The following ARHGAP15 variants were observed in gnomAD, a reference collection of about 807,000 sequenced individuals.
ARHGAP15 encodes the protein rho GTPase-activating protein 15.
A neutral mutation model predicts 63.7 loss-of-function variants in ARHGAP15; 51 were observed. The observed-to-expected ratio is 0.80, with a 90% CI of 0.64 to 1.01. ARHGAP15 has a LOEUF of 1.01. Among genes scored for constraint, ARHGAP15 ranks in the 50% least tolerant of loss-of-function variants. The probability of loss-of-function intolerance (pLI) is 0.00; values close to 1 mark genes in which losing one functional copy is unlikely to be tolerated. For missense variants in ARHGAP15, 560 were observed against 564.6 expected (o/e 0.99, Z 0.08); for synonymous variants, 191 against 193.8 (o/e 0.99, Z 0.12).
intron 6 of ARHGAP15, among the ~76,000 whole-genome samples, chr2:143,417,215 T>C (rs1231173666): frequency 6.6e-6 from 1 of 152,118 alleles, no homozygotes; most frequent in Non-Finnish European, 1.5e-5. Context: ...CAGCCTACAA[T>C]AATATGCTCA....
rs531112859 is a variant in ARHGAP15, at chr2:143,357,047, T to C, written c.475-78554T>C. ...TCAACCGGTCAGCATTAAAGATTTA[T>C]GTTGCACTTTTTTTCATCACCACAC... On this transcript the variant is annotated intron_variant, in intron 6 of 13. Transcript: ENST00000295095. 3.1e-3 allele frequency among the ~76,000 whole-genome samples: 479 copies of C among 152,364 alleles called. 1 individual carries two copies. The highest frequency in any genetic ancestry group is 0.01 in the African/African-American group (433 of 41,596).
chr2:143,689,718 A>G (rs1238510496), intron 12 of ARHGAP15, among the ~76,000 whole-genome samples: 2 of 152,186 alleles, frequency 1.3e-5, no homozygotes, highest in African/African-American at 2.4e-5. Flanking sequence ...ACTCTAAAAG[A>G]TAAAGTGCAT....
At chr2:143,339,026 G>C (rs1013178185) in intron 6 of ARHGAP15, among the ~76,000 whole-genome samples, 4 of 151,996 alleles carry the variant, frequency 2.6e-5, no homozygotes, top group African/African-American at 7.3e-5. Context: ...TGTGTTCTTT[G>C]TTGGGGATAG....
intron 6 of ARHGAP15, among the ~76,000 whole-genome samples, chr2:143,390,912 A>G (rs925578569): frequency 2.6e-5 from 4 of 152,174 alleles, no homozygotes; most frequent in African/African-American, 4.8e-5. Context: ...TTAAAGCCGT[A>G]TTGATTGTTG....
In ARHGAP15 at chr2:143,228,615, A is replaced by G; in HGVS notation, c.331A>G (p.Ser111Gly). The G allele has an allele frequency of 3.1e-6, 5 of 1,609,594 alleles. No individual in the cohort carries two copies. The highest frequency in any genetic ancestry group is 4.2e-6 in the Non-Finnish European group (5 of 1,178,036). ...GTCTACTTCCTGGATTGTTCTTTCT[A>G]GTCGAAGAATTGAATTTTACAAAGA... ...NWSTSWIVLS[S>G]RRIEFYKESK... Residue 111 changes from serine to glycine, a missense_variant, in exon 5 of 14, where the codon AGT becomes GGT. Physicochemically the swap from Ser to Gly is moderately conservative, Grantham distance 56 (BLOSUM62 0). Transcript: ENST00000295095.
In ARHGAP15 at chr2:143,717,638, C is replaced by T. The variant is rs190133927; in HGVS notation, c.1244+14114C>T. ...GAAAAGAAAAACAAAACATTCCATCCGAGTCATTTATTCTGGTCTGTACAC... is the reference window on the plus strand; with the variant it reads ...GAAAAGAAAAACAAAACATTCCATCTGAGTCATTTATTCTGGTCTGTACAC... On this transcript the variant is annotated intron_variant, in intron 13 of 13. Transcript: ENST00000295095. 1.6e-4 allele frequency among the ~76,000 whole-genome samples: 24 copies of T among 152,240 alleles called. No individual in the cohort carries two copies. In the East Asian group the frequency reaches 3.3e-3, roughly 21 times the overall value.
intron 6 of ARHGAP15, among the ~76,000 whole-genome samples, chr2:143,278,870 T>TTC (rs1248949345): frequency 6.8e-6 from 1 of 147,042 alleles, no homozygotes; most frequent in Non-Finnish European, 1.5e-5. Context: ...CTTTCTTTCT[T>TTC]TTTTTTTTTT....
intron 12 of ARHGAP15, among the ~76,000 whole-genome samples, chr2:143,694,138 C>T (rs941754967): frequency 1.6e-4 from 24 of 151,636 alleles, no homozygotes; most frequent in African/African-American, 5.1e-4. Context: ...ATATGTGGTA[C>T]TTCAAAAATT....
At chr2:143,359,188 G>T (rs1685934573) in intron 6 of ARHGAP15, among the ~76,000 whole-genome samples, 1 of 152,052 alleles carries the variant, frequency 6.6e-6, no homozygotes, top group Non-Finnish European at 1.5e-5. Context: ...CTGAATTTTT[G>T]AGTCCTCATT....
chr2:143,313,131 A>T (rs1376970905), intron 6 of ARHGAP15, among the ~76,000 whole-genome samples: 1 of 152,168 alleles, frequency 6.6e-6, no homozygotes, highest in Non-Finnish European at 1.5e-5. Context: ...GAGAGTTAAA[A>T]AAGAAAAATA....
intron 10 of ARHGAP15, among the ~76,000 whole-genome samples, chr2:143,522,882 T>A (rs958856260): frequency 2.6e-5 from 4 of 152,264 alleles, no homozygotes. Context: ...CTTTGTGTAG[T>A]TTATGATGAC....
At chr2:143,394,703 T>G (rs1056180900) in intron 6 of ARHGAP15, among the ~76,000 whole-genome samples, 2 of 152,168 alleles carry the variant, frequency 1.3e-5, no homozygotes, top group Admixed American at 1.3e-4. Context: ...TGAGGACTTA[T>G]GGTAAAGTAC....
chr2:143,239,848 G>C (rs1693793071), intron 5 of ARHGAP15, among the ~76,000 whole-genome samples: 1 of 151,862 alleles, frequency 6.6e-6, no homozygotes, highest in Non-Finnish European at 1.5e-5. Flanking sequence ...AAAATTAGTT[G>C]GGTGTGGTGG....
intron 12 of ARHGAP15, among the ~76,000 whole-genome samples, chr2:143,673,261 A>T (rs13391855): frequency 0.048 from 7,364 of 152,278 alleles, 637 homozygotes; most frequent in African/African-American, 0.17. Context: ...TTGAGACCTA[A>T]GAAGTACGCA....
intron 6 of ARHGAP15, among the ~76,000 whole-genome samples, chr2:143,374,054 GGTACAATTATTCT>G (rs1174489536): frequency 1.3e-5 from 2 of 152,026 alleles, no homozygotes; most frequent in Non-Finnish European, 2.9e-5. Context: ...GTATCTGTGA[GGTACAATTATTCT>G]GTTACTCACA....
At chr2:143,577,330 T>G (rs1696716285) in intron 11 of ARHGAP15, among the ~76,000 whole-genome samples, 1 of 152,100 alleles carries the variant, frequency 6.6e-6, no homozygotes, top group Non-Finnish European at 1.5e-5. Flanking sequence ...TTTCAAGATA[T>G]GAGAATGCTG....
At chr2:143,218,350 C>A (rs1220877248) in intron 4 of ARHGAP15, among the ~76,000 whole-genome samples, 1 of 125,012 alleles carries the variant, frequency 8.0e-6, no homozygotes, top group Non-Finnish European at 1.6e-5. Flanking sequence ...CTGATTATAT[C>A]CTTCGGTTTG....
chr2:143,432,577 T>C (rs2105081674), intron 6 of ARHGAP15, among the ~76,000 whole-genome samples: 1 of 152,166 alleles, frequency 6.6e-6, no homozygotes, highest in African/African-American at 2.4e-5. Context: ...AAACTATTGT[T>C]GAATTAATTC....
intron 10 of ARHGAP15, among the ~76,000 whole-genome samples, chr2:143,526,305 G>A (rs1481683522): frequency 6.6e-6 from 1 of 152,062 alleles, no homozygotes; most frequent in Non-Finnish European, 1.5e-5. Context: ...AAATCAGTCA[G>A]CGGATATTCC....
Sources: gnomAD v4.1 joint callset for allele counts (sites outside exome capture counted in the v4.1 genomes callset) on GRCh38, gnomAD v4.1.1 for gene constraint, MANE v1.5 for transcripts, NCBI Gene and HGNC (gene_info 2026-07-23, HGNC 2026-07-21) for gene names.